The following PCM1 variants were observed in gnomAD, a reference collection of about 807,000 sequenced individuals.
PCM1 encodes the protein pericentriolar material 1 protein.
In PCM1, 157 loss-of-function variants were observed where a neutral mutation model predicts 241.9. The ratio of observed to expected loss-of-function variants is 0.65; its 90% confidence interval spans 0.57 to 0.74. PCM1 has a LOEUF of 0.74. Among genes scored for constraint, PCM1 ranks in the 30% least tolerant of loss-of-function variants. The probability of loss-of-function intolerance (pLI) is 0.00; values close to 1 mark genes in which losing one functional copy is unlikely to be tolerated. For missense variants in PCM1, 3,478 were observed against 2,360.1 expected, an observed-to-expected ratio of 1.47 and a Z score of -9.81; for synonymous variants, 1,085 against 784.9, an observed-to-expected ratio of 1.38 and a Z score of -6.39.
chr8:18,001,967 T>C (rs1334030907), intron 29 of PCM1, among the ~76,000 whole-genome samples: 2 of 134,320 alleles, frequency 1.5e-5, no homozygotes, highest in Non-Finnish European at 3.2e-5. Flanking sequence ...ATGGCCTTAC[T>C]ATCCTTTTGC....
At chr8:17,956,093 C>T (rs990444590) in intron 10 of PCM1, 4 of 207,940 alleles carry the variant, frequency 1.9e-5, no homozygotes, top group South Asian at 7.9e-5. Flanking sequence ...CATTAAAAAA[C>T]GTTGGCGCAG....
intron 36 of PCM1, among the ~76,000 whole-genome samples, chr8:18,022,182 C>A (rs2093807376): frequency 1.3e-5 from 2 of 152,130 alleles, no homozygotes; most frequent in African/African-American, 4.8e-5. Context: ...ACTTGACAAC[C>A]TATAGGTGAC....
At position 18,011,235 on chromosome 8, in the gene PCM1, A is replaced by G. The variant is rs1359891402; in HGVS notation, c.5221-2A>G. 1.3e-6 allele frequency: 2 copies of G among 1,596,038 alleles called. No homozygotes were observed. Among genetic ancestry groups the G allele is most frequent in the Non-Finnish European group, 1.7e-6 (2 of 1,171,178 alleles). ...TAATTACTCAAATATTTTTGTGTCT[A>G]GGACAAGGATGAAACTGAAACAGTT... On this transcript the variant is annotated splice_acceptor_variant, in intron 32 of 38. Coordinates refer to ENST00000325083, the MANE Select transcript of PCM1 (RefSeq NM_006197.4). LOFTEE classifies it high-confidence loss of function.
At chr8:17,930,195 C>T (rs2058551882) in intron 2 of PCM1, among the ~76,000 whole-genome samples, 1 of 150,862 alleles carries the variant, frequency 6.6e-6, no homozygotes, top group Admixed American at 6.6e-5. Flanking sequence ...GCTCCGCCTC[C>T]TGGGTTCACA....
intron 2 of PCM1, among the ~76,000 whole-genome samples, chr8:17,933,575 A>G (rs2059623753): frequency 6.6e-6 from 1 of 151,992 alleles, no homozygotes; most frequent in African/African-American, 2.4e-5. Flanking sequence ...ACTTATTCAC[A>G]TTTTTTCTCC....
chr8:17,970,316 T>A (rs1214224175), intron 22 of PCM1, among the ~76,000 whole-genome samples: 1 of 152,080 alleles, frequency 6.6e-6, no homozygotes, highest in African/African-American at 2.4e-5. Flanking sequence ...TCTTTCCTAC[T>A]CCATAAAAAT....
At chr8:17,930,526 A>G (rs1337481920) in intron 2 of PCM1, among the ~76,000 whole-genome samples, 1 of 152,168 alleles carries the variant, frequency 6.6e-6, no homozygotes, top group Non-Finnish European at 1.5e-5. Context: ...AGAGGTTGAC[A>G]TGAAGAGAAA....
intron 5 of PCM1, among the ~76,000 whole-genome samples, chr8:17,939,215 GGTTA>G (rs2061324703): frequency 1.3e-5 from 2 of 152,130 alleles, no homozygotes; most frequent in African/African-American, 4.8e-5. Flanking sequence ...GGCATATTCA[GGTTA>G]GTTAAAGGCT....
Position 18,014,565 on chromosome 8 carries a change from G to C in PCM1, c.5585-19G>C. The C allele has an allele frequency of 6.3e-7, 1 of 1,583,016 alleles. No homozygotes were observed. Among genetic ancestry groups the C allele is most frequent in the Non-Finnish European group, 8.6e-7 (1 of 1,162,714 alleles). ...ATTTTTTGCATTACACTAATGTTAA[G>C]ACTTTCTTTTGATGACAGATGACCA... On this transcript the variant is annotated intron_variant, in intron 35 of 38. Transcript: ENST00000325083.
Position 17,953,174 on chromosome 8 carries a change from A to T in PCM1, c.1276A>T (p.Asn426Tyr), listed in dbSNP as rs1017773103. The T allele has an allele frequency of 3.2e-6, 5 of 1,557,524 alleles. No individual in the cohort carries two copies. ...ELHTLRDQHL[N>Y]NSSSSPQRSV... ...TCATACACTTCGAGATCAGCATCTT[A>T]ACAATTCATCATGTGAGTAAATCTG... is the stretch of plus-strand genomic sequence containing the variant. The change falls in exon 9 of 39, where the codon AAC becomes TAC. Residue 426 changes from asparagine (N) to tyrosine (Y), a missense_variant. Asn to Tyr is a moderately radical substitution (Grantham distance 143). Transcript: ENST00000325083.
intron 2 of PCM1, 87 bp from the exon 3 acceptor site, chr8:17,935,502 G>C (rs1464152293): frequency 1.6e-6 from 1 of 606,630 alleles, no homozygotes; most frequent in Non-Finnish European, 3.0e-6. Flanking sequence ...GTGCTTCAAA[G>C]ATTGTATTGC....
chr8:17,952,915 T>G, intron 8 of PCM1, 55 bp from the exon 9 acceptor site: 2 of 997,626 alleles, frequency 2.0e-6, no homozygotes, highest in Non-Finnish European at 2.9e-6. Flanking sequence ...AAAATGAGAA[T>G]GCATTTAATT....
chr8:17,952,104 T>C (rs1469802871), intron 8 of PCM1, among the ~76,000 whole-genome samples: 1 of 151,920 alleles, frequency 6.6e-6, no homozygotes, highest in Non-Finnish European at 1.5e-5. Context: ...GCACCTGTAA[T>C]CTCAGCTGCT....
chr8:17,952,916 G>T (rs1033196461), intron 8 of PCM1, 54 bp from the exon 9 acceptor site: 2 of 1,002,406 alleles, frequency 2.0e-6, no homozygotes, highest in African/African-American at 3.3e-5. Flanking sequence ...AAATGAGAAT[G>T]CATTTAATTG....
At chr8:17,966,690 T>A (rs1427340463) in intron 20 of PCM1, among the ~76,000 whole-genome samples, 1 of 152,270 alleles carries the variant, frequency 6.6e-6, no homozygotes, top group Non-Finnish European at 1.5e-5. Flanking sequence ...TACTTATATT[T>A]TGGCAGATTT....
intron 4 of PCM1, 36 bp from the exon 5 acceptor site, chr8:17,938,704 A>G (rs760727112): frequency 3.9e-6 from 6 of 1,549,768 alleles, no homozygotes; most frequent in Non-Finnish European, 5.3e-6. Context: ...TCATAAGGTT[A>G]ATGTTTGTGT....
intron 29 of PCM1, among the ~76,000 whole-genome samples, chr8:18,002,980 C>G (rs180950130): frequency 6.6e-6 from 1 of 152,308 alleles, no homozygotes. Context: ...ATACTTCTGC[C>G]TGGAATGCTC....
At chr8:17,946,136 A>G (rs1447004449) in intron 6 of PCM1, among the ~76,000 whole-genome samples, 2 of 152,120 alleles carry the variant, frequency 1.3e-5, no homozygotes, top group Non-Finnish European at 2.9e-5. Context: ...AACACTTAAA[A>G]TTTCATCATT....
At chr8:17,990,047 T>C (rs2083987366) in intron 27 of PCM1, 68 bp downstream of exon 27, 4 of 1,313,616 alleles carry the variant, frequency 3.0e-6, no homozygotes, top group Non-Finnish European at 4.1e-6. Flanking sequence ...TGAATTGGCG[T>C]TGATAAGGAA....
Sources: gnomAD v4.1 joint callset for allele counts (sites outside exome capture counted in the v4.1 genomes callset) on GRCh38, gnomAD v4.1.1 for gene constraint, MANE v1.5 for transcripts, NCBI Gene and HGNC (gene_info 2026-07-23, HGNC 2026-07-21) for gene names.